CAB39: variants seen among roughly 807,000 people sequenced by gnomAD.
CAB39 encodes calcium-binding protein 39.
CAB39 carries 8 observed loss-of-function variants against 40.0 expected under a neutral mutation model. The observed-to-expected ratio is 0.20, with a 90% CI of 0.12 to 0.36. The LOEUF is 0.36. Ranked by LOEUF, CAB39 falls within the 10% of genes least tolerant of loss-of-function variation. The probability of loss-of-function intolerance (pLI) is 1.00; values close to 1 mark genes in which losing one functional copy is unlikely to be tolerated. For synonymous variants in CAB39, 156 were observed against 141.6 expected (o/e 1.10, Z -0.72); for missense variants, 270 against 401.1 (o/e 0.67, Z 2.79).
chr2:230,780,114 G>T (rs867246550), intron 2 of CAB39, among the ~76,000 whole-genome samples: 1 of 152,124 alleles, frequency 6.6e-6, no homozygotes, highest in Admixed American at 6.5e-5. Flanking sequence ...ATTGCACAGG[G>T]GGTACCTGAG....
At chr2:230,724,266 A>G (rs1201501633) in intron 1 of CAB39, among the ~76,000 whole-genome samples, 1 of 151,302 alleles carries the variant, frequency 6.6e-6, no homozygotes, top group Non-Finnish European at 1.5e-5. Flanking sequence ...AAAAGAAGAT[A>G]GCATAAAGGC....
rs145725957 is a variant in CAB39, at chr2:230,736,536, G to A, written c.-44+23306G>A. On this transcript the variant is annotated intron_variant, in intron 1 of 8. Coordinates refer to ENST00000258418, the MANE Select transcript of CAB39 (RefSeq NM_016289.4). ...CACATTTGGCTTTGAGTTTTGAGTA[G>A]CCAGAACAAAGAAAGAAAGAGCAAA... 2.3e-3 allele frequency among the ~76,000 whole-genome samples: 345 copies of A among 152,268 alleles called. 1 individual carries two copies. Among genetic ancestry groups the A allele is most frequent in the African/African-American group, 8.0e-3 (331 of 41,540 alleles).
At chr2:230,776,245 T>C (rs1695582757) in intron 2 of CAB39, among the ~76,000 whole-genome samples, 1 of 152,236 alleles carries the variant, frequency 6.6e-6, no homozygotes, top group Non-Finnish European at 1.5e-5. Flanking sequence ...AGAAGTCTTA[T>C]GTTGCCTTAC....
At chr2:230,812,180 C>A (rs1445601812) in intron 6 of CAB39, among the ~76,000 whole-genome samples, 4 of 152,192 alleles carry the variant, frequency 2.6e-5, no homozygotes, top group Non-Finnish European at 5.9e-5. Flanking sequence ...TCAAAAGAAA[C>A]GTAGCCTTTC....
intron 5 of CAB39, among the ~76,000 whole-genome samples, chr2:230,807,926 C>T (rs780557359): frequency 2.0e-5 from 3 of 152,036 alleles, no homozygotes. Context: ...GCCTCCAGAA[C>T]GATTTAGTCG....
At chr2:230,736,635 G>T (rs762497722) in intron 1 of CAB39, among the ~76,000 whole-genome samples, 1 of 152,162 alleles carries the variant, frequency 6.6e-6, no homozygotes, top group Non-Finnish European at 1.5e-5. Context: ...TCGAGACCCT[G>T]TGGATCCTTT....
intron 1 of CAB39, among the ~76,000 whole-genome samples, chr2:230,733,243 G>T (rs889305154): frequency 5.9e-5 from 9 of 152,034 alleles, no homozygotes; most frequent in Non-Finnish European, 1.2e-4. Context: ...ATTTGCCCTA[G>T]TTTGGATGAT....
rs535855416 is a variant in CAB39 at position 230,808,330 on chromosome 2, C to T, written c.568-1933C>T. ...CTCCTGACCTCAGGTGATCCACCCA[C>T]CTCGGCCAGGCACTATTCTTTAGGG... On this transcript the variant is annotated intron_variant, in intron 5 of 8. Coordinates refer to ENST00000258418, the MANE Select transcript of CAB39 (RefSeq NM_016289.4). Among the ~76,000 whole-genome samples, 13 of 152,266 alleles carry T rather than the reference C, an allele frequency of 8.5e-5. No homozygotes were observed. The East Asian group carries it at 2.5e-3, about 29-fold the overall frequency.
intron 1 of CAB39, among the ~76,000 whole-genome samples, chr2:230,721,077 C>T (rs1694443714): frequency 6.6e-6 from 1 of 152,188 alleles, no homozygotes; most frequent in Admixed American, 6.5e-5. Flanking sequence ...CTCATGTTTT[C>T]AGAGTATAAT....
chr2:230,746,890 A>G (rs1010843223), intron 1 of CAB39, among the ~76,000 whole-genome samples: 2 of 152,250 alleles, frequency 1.3e-5, no homozygotes, highest in African/African-American at 4.8e-5. Flanking sequence ...ATAAGAATAT[A>G]AAATGACTGT....
intron 1 of CAB39, among the ~76,000 whole-genome samples, chr2:230,732,362 G>A (rs367924907): frequency 3.3e-5 from 5 of 152,160 alleles, no homozygotes; most frequent in Non-Finnish European, 7.3e-5. Flanking sequence ...GATTACTGGC[G>A]TGAGCCACCG....
At chr2:230,768,639 G>A (rs1439344439) in intron 2 of CAB39, among the ~76,000 whole-genome samples, 2 of 152,172 alleles carry the variant, frequency 1.3e-5, no homozygotes, top group Non-Finnish European at 2.9e-5. Context: ...CACATTCTAT[G>A]GGTGACTAAA....
In CAB39 at chr2:230,725,470, C is replaced by T. The variant is rs114028262; in HGVS notation, c.-44+12240C>T. On this transcript the variant is annotated intron_variant, in intron 1 of 8. Transcript: ENST00000258418. ...TCCTCCCGCCACCCGGCCACTCCTG[C>T]GGATACCTCCCGTTTAATCTTTTAA... 3,590 of 1,305,086 alleles carry T rather than the reference C, an allele frequency of 2.8e-3. 34 individuals are homozygous for T. The highest frequency in any genetic ancestry group is 0.025 in the African/African-American group (1,709 of 68,612). 80.8% of individuals were successfully genotyped at this position (1,305,086 alleles called of 1,614,324 possible).
intron 1 of CAB39, among the ~76,000 whole-genome samples, chr2:230,737,981 C>T (rs1309342226): frequency 1.3e-5 from 2 of 152,124 alleles, no homozygotes; most frequent in African/African-American, 4.8e-5. Flanking sequence ...GCTTTTTCAC[C>T]CGATACTTTA....
chr2:230,727,363 C>CGGTGTGTGTGTGT (rs1694600384), intron 1 of CAB39, among the ~76,000 whole-genome samples: 1 of 126,948 alleles, frequency 7.9e-6, no homozygotes, highest in African/African-American at 3.2e-5. Context: ...GATTGTTAAC[C>CGGTGTGTGTGTGT]GTGTGTGTGT....
At chr2:230,731,015 G>A (rs1694679123) in intron 1 of CAB39, among the ~76,000 whole-genome samples, 1 of 152,108 alleles carries the variant, frequency 6.6e-6, no homozygotes, top group Non-Finnish European at 1.5e-5. Flanking sequence ...AGATACAAAA[G>A]GTCAATGTTT....
intron 5 of CAB39, among the ~76,000 whole-genome samples, chr2:230,806,714 G>A (rs1358890391): frequency 6.6e-6 from 1 of 152,160 alleles, no homozygotes; most frequent in Non-Finnish European, 1.5e-5. Context: ...AGTATTTGGG[G>A]ATAGGTCTGA....
chr2:230,725,402 A>G (rs373424164), intron 1 of CAB39: 11 of 1,598,334 alleles, frequency 6.9e-6, no homozygotes, highest in East Asian at 2.2e-5. Flanking sequence ...GGAGGTTGTC[A>G]TCTTGATCAG....
chr2:230,766,271 AAGAAT>A (rs1287593439), intron 2 of CAB39, among the ~76,000 whole-genome samples: 1 of 152,246 alleles, frequency 6.6e-6, no homozygotes, highest in Non-Finnish European at 1.5e-5. Flanking sequence ...TTTAGAAATA[AAGAAT>A]ATACCTATTG....
Sources: gnomAD v4.1 joint callset for allele counts (sites outside exome capture counted in the v4.1 genomes callset) on GRCh38, gnomAD v4.1.1 for gene constraint, MANE v1.5 for transcripts, NCBI Gene and HGNC (gene_info 2026-07-23, HGNC 2026-07-21) for gene names.